Variants in HTN3 observed in about 807,000 individuals in gnomAD.
HTN3 encodes the protein histatin-3.
In HTN3, 15 loss-of-function variants were observed where a neutral mutation model predicts 10.6. That is an observed-to-expected ratio of 1.42 (90% CI 0.95 to 2.18). The LOEUF is 2.18. Among genes scored for constraint, HTN3 ranks in the 30% most tolerant of loss-of-function variants. The pLI is 0.00. For missense variants in HTN3, 68 were observed against 58.0 expected (o/e 1.17, Z -0.56); for synonymous variants, 15 against 16.9 (o/e 0.89, Z 0.27).
chr4:70,035,597 A>G (rs998367478), intron 5 of HTN3, among the ~76,000 whole-genome samples: 1 of 152,226 alleles, frequency 6.6e-6, no homozygotes, highest in African/African-American at 2.4e-5. Flanking sequence ...TATAGGAATG[A>G]CTAATAAAAT....
intron 1 of HTN3, among the ~76,000 whole-genome samples, chr4:70,030,432 T>C (rs1725354999): frequency 1.3e-5 from 2 of 151,942 alleles, no homozygotes; most frequent in Admixed American, 1.3e-4. Flanking sequence ...TTCAGAACAG[T>C]CTGGGCAATA....
intron 2 of HTN3, 39 bp downstream of exon 2, chr4:70,030,830 T>C: frequency 6.9e-7 from 1 of 1,446,680 alleles, no homozygotes. Context: ...ACATTCTCAG[T>C]ACTTATCCCA....
intron 5 of HTN3, chr4:70,034,137 A>G (rs923781948): frequency 2.0e-5 from 3 of 152,328 alleles, no homozygotes; most frequent in African/African-American, 7.2e-5. Flanking sequence ...CATTCGGGAC[A>G]TAGGCATGGA....
At chr4:70,029,555 A>C (rs1056475783) in intron 1 of HTN3, among the ~76,000 whole-genome samples, 2 of 152,092 alleles carry the variant, frequency 1.3e-5, no homozygotes, top group African/African-American at 4.8e-5. Context: ...ATTTTTTAAA[A>C]TATTATCTAT....
intron 1 of HTN3, among the ~76,000 whole-genome samples, chr4:70,029,827 T>C (rs2109706158): frequency 1.3e-5 from 2 of 152,294 alleles, no homozygotes; most frequent in Admixed American, 1.3e-4. Flanking sequence ...GTTCAACTTC[T>C]CAAAGTAGAT....
At chr4:70,035,896 C>G (rs1042467646) in intron 5 of HTN3, among the ~76,000 whole-genome samples, 1 of 151,980 alleles carries the variant, frequency 6.6e-6, no homozygotes, top group Non-Finnish European at 1.5e-5. Flanking sequence ...GATCTTGATC[C>G]TCCAGGTGTT....
At chr4:70,033,296 CTGACAG>C (rs758911264) in intron 5 of HTN3, 43 bp downstream of exon 5, 1 of 890,020 alleles carries the variant, frequency 1.1e-6, no homozygotes, top group Non-Finnish European at 1.8e-6. Flanking sequence ...AGTATCAACA[CTGACAG>C]TTAAAACAAG....
At chr4:70,032,620 TA>T (rs1725411734) in intron 4 of HTN3, among the ~76,000 whole-genome samples, 1 of 152,052 alleles carries the variant, frequency 6.6e-6, no homozygotes, top group Non-Finnish European at 1.5e-5. Context: ...TCAGTATGAA[TA>T]GGGGTTCAAA....
rs1307762661 is a variant in HTN3 at position 70,036,292 on chromosome 4, C to G, written c.*59C>G. ...GTTTGACTGGCAAATTCGCTTTGGA[C>G]TCGTGTATTCTCATTTGTCATACCG... On this transcript the variant is annotated 3_prime_UTR_variant, in exon 6 of 6. Transcript: ENST00000673563. The G allele has an allele frequency of 6.6e-6, 1 of 152,152 alleles. No individual in the cohort carries two copies. Among genetic ancestry groups the G allele is most frequent in the Non-Finnish European group, 1.5e-5 (1 of 68,016 alleles). The allele number at this position is 152,152 out of a possible 1,614,324, so 9.4% of individuals were successfully genotyped here.
chr4:70,032,204 A>C (rs56388012), intron 4 of HTN3, 97 bp downstream of exon 4: 19 of 824,342 alleles, frequency 2.3e-5, no homozygotes, highest in Non-Finnish European at 3.3e-5. Flanking sequence ...AAATATATTT[A>C]TATCATTAAT....
intron 4 of HTN3, 116 bp downstream of exon 4, chr4:70,032,223 T>A (rs1725398872): frequency 1.3e-6 from 1 of 747,378 alleles, no homozygotes; most frequent in Non-Finnish European, 2.2e-6. Flanking sequence ...ATTGCTAAAG[T>A]GTACATTGAT....
chr4:70,035,489 G>A (rs73826055), intron 5 of HTN3, among the ~76,000 whole-genome samples: 3,248 of 152,242 alleles, frequency 0.021, 109 homozygotes, highest in African/African-American at 0.074. Flanking sequence ...GAAGTTTTCT[G>A]TCCTAAAATG....
At position 70,028,486 on chromosome 4, in the gene HTN3, C is replaced by G. The variant is rs1725295246; in HGVS notation, c.-44C>G. ...CTCTTGAGACTTCACTTCAGCTTCACTGACTTCTGGATTCTCCTCTTGAGT... is the reference window on the plus strand; with the variant it reads ...CTCTTGAGACTTCACTTCAGCTTCAGTGACTTCTGGATTCTCCTCTTGAGT... On this transcript the variant is annotated 5_prime_UTR_variant, in exon 1 of 6. Coordinates refer to ENST00000673563, the MANE Select transcript of HTN3 (RefSeq NM_000200.3). The G allele has an allele frequency of 6.6e-6, 1 of 152,152 alleles. No individual in the cohort carries two copies. The highest frequency in any genetic ancestry group is 2.1e-4 in the South Asian group (1 of 4,834). The allele number at this position is 152,152 out of a possible 1,614,324, so 9.4% of individuals were successfully genotyped here.
rs1482040799 is a variant in HTN3, at chr4:70,036,339, T to G, written c.*106T>G. 1 of 152,230 alleles carries G rather than the reference T, an allele frequency of 6.6e-6. No homozygotes were observed. The highest frequency in any genetic ancestry group is 6.5e-5 in the Admixed American group (1 of 15,286). The allele number at this position is 152,230 out of a possible 1,614,324, so 9.4% of individuals were successfully genotyped here. ...ACCGCATCACACTACCACTGCTTTT[T>G]GAAGAATTATCATAAGGCAATGCAG... On this transcript the variant is annotated 3_prime_UTR_variant, in exon 6 of 6. Coordinates refer to ENST00000673563, the MANE Select transcript of HTN3 (RefSeq NM_000200.3).
Position 70,036,415 on chromosome 4 carries a change from C to T in HTN3, c.*182C>T, listed in dbSNP as rs1177693019. 6.6e-6 allele frequency: 1 copy of T among 152,136 alleles called. No homozygotes were observed. Among genetic ancestry groups the T allele is most frequent in the Non-Finnish European group, 1.5e-5 (1 of 68,014 alleles). The allele number at this position is 152,136 out of a possible 1,614,324, so 9.4% of individuals were successfully genotyped here. On this transcript the variant is annotated 3_prime_UTR_variant, in exon 6 of 6. Coordinates refer to ENST00000673563, the MANE Select transcript of HTN3 (RefSeq NM_000200.3). Reference sequence around the variant, plus strand: ...GAATTCTGTGTTTCAGGATACTTCCCTTCCTAATTATCATTTGATTAGATA... The same window carrying T: ...GAATTCTGTGTTTCAGGATACTTCCTTTCCTAATTATCATTTGATTAGATA...
chr4:70,032,228 A>C, intron 4 of HTN3, 121 bp downstream of exon 4: 1 of 726,134 alleles, frequency 1.4e-6, no homozygotes, highest in South Asian at 1.8e-5. Flanking sequence ...TAAAGTGTAC[A>C]TTGATTTCAT....
rs183062270 is a variant in HTN3, at chr4:70,030,840, A to G, written c.51+49A>G. 1,384 of 1,383,366 alleles carry G rather than the reference A, an allele frequency of 1.0e-3. 8 individuals carry two copies. Among genetic ancestry groups the G allele is most frequent in the Middle Eastern group, 7.2e-4 (4 of 5,540 alleles). 85.7% of individuals were successfully genotyped at this position (1,383,366 alleles called of 1,614,324 possible). A position where few individuals can be genotyped will look rare whatever the true frequency, so the allele number is the denominator to read the frequency against. ...AGGATACATTCTCAGTACTTATCCCAAGGATCTTTCTTATTCCTTACGTTC... is the reference window on the plus strand; with the variant it reads ...AGGATACATTCTCAGTACTTATCCCGAGGATCTTTCTTATTCCTTACGTTC... On this transcript the variant is annotated intron_variant, in intron 2 of 5. Transcript: ENST00000673563.
chr4:70,029,660 T>A (rs1008271912), intron 1 of HTN3, among the ~76,000 whole-genome samples: 2 of 152,192 alleles, frequency 1.3e-5, no homozygotes, highest in African/African-American at 2.4e-5. Flanking sequence ...AATGCTTTTA[T>A]TTACATGTTT....
intron 4 of HTN3, 152 bp from the exon 5 acceptor site, chr4:70,033,015 G>A (rs1398803228): frequency 1.1e-5 from 6 of 568,560 alleles, no homozygotes; most frequent in African/African-American, 8.0e-5. Flanking sequence ...GAAGAAAAAT[G>A]TAACTAAAAA....
Sources: allele counts gnomAD v4.1 joint callset (sites outside exome capture counted in the v4.1 genomes callset), GRCh38; gene constraint gnomAD v4.1.1; transcripts MANE v1.5; gene names NCBI Gene and HGNC (gene_info 2026-07-23, HGNC 2026-07-21).